IQSEC1: variants seen among roughly 807,000 people sequenced by gnomAD.
IQSEC1 encodes IQ motif and SEC7 domain-containing protein 1.
In IQSEC1, 31 loss-of-function variants were observed where a neutral mutation model predicts 91.0. The observed-to-expected ratio is 0.34, with a 90% CI of 0.26 to 0.46. The LOEUF is 0.46. IQSEC1 is among the 20% of genes least tolerant of loss of function. IQSEC1 has a pLI of 1.00. For synonymous variants in IQSEC1, 699 were observed against 662.6 expected, an observed-to-expected ratio of 1.05 and a Z score of -0.84; for missense variants, 1,388 against 1,575.6, an observed-to-expected ratio of 0.88 and a Z score of 2.02.
intron 1 of IQSEC1, among the ~76,000 whole-genome samples, chr3:12,980,358 A>G (rs190618981): frequency 1.8e-4 from 27 of 152,326 alleles, no homozygotes; most frequent in African/African-American, 5.1e-4. Flanking sequence ...CCACGAACTA[A>G]AAGTCTTCAG....
intron 3 of IQSEC1, among the ~76,000 whole-genome samples, chr3:12,927,314 G>A (rs1697231634): frequency 6.6e-6 from 1 of 152,140 alleles, no homozygotes; most frequent in Non-Finnish European, 1.5e-5. Context: ...GCGTCCCTGG[G>A]CCTATGCTCC....
chr3:13,096,473 G>T (rs1225926778), intron 2 of IQSEC1, among the ~76,000 whole-genome samples: 1 of 152,222 alleles, frequency 6.6e-6, no homozygotes, highest in Non-Finnish European at 1.5e-5. Flanking sequence ...TCGCAGTCTA[G>T]CAAGAATCAA....
At position 12,990,159 on chromosome 3, in the gene IQSEC1, A is replaced by G. The variant is rs570075542; in HGVS notation, c.24-48294T>C. ...GTTACAAACCTGTGTTACTATCCTG[A>G]TAGCTTTCCACCAAGTCCTTGGATC... On this transcript the variant is annotated intron_variant, in intron 1 of 13. Transcript: ENST00000613206. 3.9e-5 allele frequency among the ~76,000 whole-genome samples: 6 copies of G among 152,342 alleles called. No individual in the cohort carries two copies. In the East Asian group the frequency reaches 1.2e-3, roughly 29 times the overall value.
At chr3:13,093,581 GGGA>G (rs1042697601) in intron 2 of IQSEC1, among the ~76,000 whole-genome samples, 1 of 152,200 alleles carries the variant, frequency 6.6e-6, no homozygotes, top group Non-Finnish European at 1.5e-5. Context: ...GATGCCACGA[GGGA>G]GGAGGTTATT....
At chr3:13,154,438 C>CATATATATATATATATATATAT (rs774589168) in intron 2 of IQSEC1, among the ~76,000 whole-genome samples, 7 of 20,756 alleles carry the variant, frequency 3.4e-4, no homozygotes, top group Admixed American at 6.5e-4. Context: ...AACTTACATG[C>CATATATATATATATATATATAT]ATATATATAT....
intron 1 of IQSEC1, among the ~76,000 whole-genome samples, chr3:13,055,635 TA>T (rs1382323340): frequency 1.3e-5 from 2 of 152,158 alleles, no homozygotes; most frequent in East Asian, 1.9e-4. Flanking sequence ...ACAAACAAGG[TA>T]ACCTCAAGTG....
At chr3:13,222,710 C>G (rs1388453875) in intron 1 of IQSEC1, among the ~76,000 whole-genome samples, 3 of 152,230 alleles carry the variant, frequency 2.0e-5, no homozygotes, top group Non-Finnish European at 4.4e-5. Flanking sequence ...CCAGGTCAAA[C>G]AGGCTTGGGA....
chr3:13,229,235 G>C (rs150172627), intron 1 of IQSEC1, among the ~76,000 whole-genome samples: 2 of 152,290 alleles, frequency 1.3e-5, no homozygotes, highest in Non-Finnish European at 2.9e-5. Context: ...GATATTGTTT[G>C]GTTTGTCAAG....
chr3:12,915,115 C>T lies in IQSEC1; in HGVS notation c.2179G>A (p.Gly727Arg). 5.6e-6 allele frequency: 9 copies of T among 1,608,616 alleles called. No individual in the cohort carries two copies. Among genetic ancestry groups the T allele is most frequent in the East Asian group, 2.2e-5 (1 of 44,706 alleles). Residue 727 changes from glycine to arginine, a missense_variant, in exon 8 of 14, where the codon GGG becomes AGG. Physicochemically the swap from Gly to Arg is moderately radical, Grantham distance 125. Around this residue, in one of 2 missense-constraint regions of IQSEC1, gnomAD observed 1,059 missense variants for 1,317.8 expected, o/e 0.80. Transcript: ENST00000613206. ...GKKPIGSLHP[G>R]LGCVLSLPHR... ...AGAGAAATACTCACACAGCCGAGCC[C>T]GGGATGCAGGGATCCGATCTGCGGG...
At chr3:13,026,307 T>C (rs1042151167) in intron 1 of IQSEC1, among the ~76,000 whole-genome samples, 1 of 152,168 alleles carries the variant, frequency 6.6e-6, no homozygotes, top group Non-Finnish European at 1.5e-5. Flanking sequence ...GGTGTCCAGT[T>C]CCCTTAACCC....
At chr3:13,056,149 C>T (rs989599489) in intron 1 of IQSEC1, among the ~76,000 whole-genome samples, 8 of 152,212 alleles carry the variant, frequency 5.3e-5, no homozygotes, top group Admixed American at 2.0e-4. Flanking sequence ...GCCTGTGTGT[C>T]GGTGTCCTGT....
chr3:13,280,565 C>T (rs988364795), intron 1 of IQSEC1, among the ~76,000 whole-genome samples: 4 of 152,220 alleles, frequency 2.6e-5, no homozygotes, highest in Non-Finnish European at 4.4e-5. Flanking sequence ...GGTCCGGCTG[C>T]TCCATCTTGA....
intron 1 of IQSEC1, among the ~76,000 whole-genome samples, chr3:13,244,835 C>G (rs562604823): frequency 6.6e-6 from 1 of 152,202 alleles, no homozygotes; most frequent in Non-Finnish European, 1.5e-5. Context: ...TCAAACAACA[C>G]AGCACAATGA....
At chr3:13,176,532 C>G (rs1269673117) in intron 1 of IQSEC1, among the ~76,000 whole-genome samples, 1 of 152,212 alleles carries the variant, frequency 6.6e-6, no homozygotes, top group Non-Finnish European at 1.5e-5. Flanking sequence ...GGAACACATT[C>G]TAAACACAGA....
rs1693959257 is a variant in IQSEC1 at position 12,899,197 on chromosome 3, TGGCC to T, written c.*1782_*1785del. 1.6e-6 allele frequency: 1 copy of T among 622,322 alleles called. No individual in the cohort carries two copies. The highest frequency in any genetic ancestry group is 2.8e-6 in the Non-Finnish European group (1 of 353,350). The allele number at this position is 622,322 out of a possible 1,614,324, so 38.6% of individuals were successfully genotyped here. A position where few individuals can be genotyped will look rare whatever the true frequency, so the allele number is the denominator to read the frequency against. ...GTGAGGAGGGAAATCGGCAAAACCC[TGGCC>T]AGCCAGCCAGCCAAGGTGACACACA... On this transcript the variant is annotated 3_prime_UTR_variant, in exon 14 of 14. Coordinates refer to ENST00000613206, the MANE Select transcript of IQSEC1 (RefSeq NM_001134382.3).
chr3:13,255,233 C>T (rs1465471464), intron 1 of IQSEC1, among the ~76,000 whole-genome samples: 1 of 152,216 alleles, frequency 6.6e-6, no homozygotes, highest in Non-Finnish European at 1.5e-5. Flanking sequence ...CCTCTCTCCC[C>T]TAAAAGAGGC....
intron 3 of IQSEC1, among the ~76,000 whole-genome samples, chr3:12,933,944 T>C (rs1697934067): frequency 6.6e-6 from 1 of 152,244 alleles, no homozygotes; most frequent in Non-Finnish European, 1.5e-5. Flanking sequence ...CCTGGTTTCC[T>C]GTCTCCCCAC....
At chr3:13,078,919 T>G (rs1456167825) in intron 2 of IQSEC1, among the ~76,000 whole-genome samples, 1 of 152,258 alleles carries the variant, frequency 6.6e-6, no homozygotes, top group African/African-American at 2.4e-5. Flanking sequence ...TTATCTCAAT[T>G]TAAAATAATT....
intron 2 of IQSEC1, among the ~76,000 whole-genome samples, chr3:13,138,169 C>T (rs991569242): frequency 1.1e-4 from 16 of 152,310 alleles, no homozygotes; most frequent in Non-Finnish European, 1.9e-4. Context: ...CCTCACGCCC[C>T]GGCTGATGGG....
Sources: allele counts gnomAD v4.1 joint callset (sites outside exome capture counted in the v4.1 genomes callset), GRCh38; gene constraint gnomAD v4.1.1; regional missense constraint gnomAD v4.1.1; transcripts MANE v1.5; gene names NCBI Gene and HGNC (gene_info 2026-07-23, HGNC 2026-07-21).